Variants in SCN8A observed in about 807,000 individuals in gnomAD.
The protein encoded by SCN8A is sodium voltage-gated channel alpha subunit 8.
Under a neutral mutation model 184.1 loss-of-function variants are expected in SCN8A, and 30 were observed. The ratio of observed to expected loss-of-function variants is 0.16; its 90% CI spans 0.12 to 0.22. The LOEUF is 0.22. Among genes scored for constraint, SCN8A ranks in the 10% least tolerant of loss-of-function variants. The probability of loss-of-function intolerance (pLI) is 1.00; values close to 1 mark genes in which losing one functional copy is unlikely to be tolerated. For synonymous variants in SCN8A, 852 were observed against 907.0 expected (o/e 0.94, Z 1.09); for missense variants, 1,057 against 2,498.9 (o/e 0.42, Z 12.30).
chr12:51,729,029 G>A (rs553409566), intron 12 of SCN8A, among the ~76,000 whole-genome samples: 6 of 152,084 alleles, frequency 3.9e-5, no homozygotes, highest in African/African-American at 1.2e-4. Context: ...TTATGGTGGC[G>A]GACTTCCTCA....
intron 12 of SCN8A, among the ~76,000 whole-genome samples, chr12:51,741,501 G>C (rs2138820204): frequency 6.6e-6 from 1 of 152,022 alleles, no homozygotes; most frequent in South Asian, 2.1e-4. Context: ...CTGCCATTTT[G>C]TCATTTGTTT....
intron 11 of SCN8A, among the ~76,000 whole-genome samples, chr12:51,709,262 A>C (rs1454061043): frequency 1.3e-5 from 2 of 152,206 alleles, no homozygotes; most frequent in Non-Finnish European, 2.9e-5. Context: ...TAGGCAAATG[A>C]TAGCTCAGGG....
intron 20 of SCN8A, chr12:51,780,098 C>A: frequency 3.2e-6 from 1 of 311,802 alleles, no homozygotes; most frequent in South Asian, 2.4e-5. Context: ...TTTTGTCAAC[C>A]AGGAGTAAAA....
At chr12:51,677,505 C>G (rs1941243149) in intron 2 of SCN8A, among the ~76,000 whole-genome samples, 1 of 151,944 alleles carries the variant, frequency 6.6e-6, no homozygotes. Flanking sequence ...TGTGTGTGTT[C>G]ATTGTTTTGC....
At chr12:51,796,085 C>A (rs976216121) in intron 26 of SCN8A, among the ~76,000 whole-genome samples, 3 of 43,836 alleles carry the variant, frequency 6.8e-5, no homozygotes, top group African/African-American at 1.4e-4. Context: ...AGCATCCCAC[C>A]TTTATTAGAC....
chr12:51,741,892 C>T (rs10783475), intron 12 of SCN8A, among the ~76,000 whole-genome samples: 119,402 of 151,892 alleles, frequency 0.79, 48,434 homozygotes, highest in East Asian at 0.9. Context: ...TTAGTAGAGA[C>T]GGGCTTTCTC....
chr12:51,593,371 G>A (rs1484071051), intron 1 of SCN8A, among the ~76,000 whole-genome samples: 2 of 152,218 alleles, frequency 1.3e-5, no homozygotes, highest in Non-Finnish European at 2.9e-5. Flanking sequence ...TAATGGTGCA[G>A]ATCAGTTATT....
At chr12:51,688,779 C>G in intron 5 of SCN8A, 1 of 1,613,768 alleles carries the variant, frequency 6.2e-7, no homozygotes. Flanking sequence ...AGTTTGTAAA[C>G]CTAGGCAATG....
intron 13 of SCN8A, 94 bp from the exon 14 acceptor site, chr12:51,751,261 A>G (rs1006507594): frequency 3.6e-6 from 3 of 827,052 alleles, no homozygotes; most frequent in Non-Finnish European, 4.0e-6. Context: ...TTGATTCCAT[A>G]TTAATAACAG....
intron 1 of SCN8A, among the ~76,000 whole-genome samples, chr12:51,600,425 A>G (rs1047734027): frequency 6.6e-6 from 1 of 152,200 alleles, no homozygotes; most frequent in Non-Finnish European, 1.5e-5. Context: ...TTGCAGGCTG[A>G]GTTAAAGGTA....
At chr12:51,629,389 T>C (rs190221023) in intron 1 of SCN8A, among the ~76,000 whole-genome samples, 3 of 152,254 alleles carry the variant, frequency 2.0e-5, no homozygotes, top group Admixed American at 2.0e-4. Flanking sequence ...CCCTGGCCTC[T>C]ACCACTACTT....
At chr12:51,705,850 T>G (rs1941774634) in intron 10 of SCN8A, among the ~76,000 whole-genome samples, 1 of 152,206 alleles carries the variant, frequency 6.6e-6, no homozygotes, top group Non-Finnish European at 1.5e-5. Flanking sequence ...TGCTCAACTG[T>G]TCAGTGTGCA....
chr12:51,625,428 G>T (rs767769483), intron 1 of SCN8A, among the ~76,000 whole-genome samples: 2 of 152,158 alleles, frequency 1.3e-5, no homozygotes, highest in Non-Finnish European at 2.9e-5. Context: ...GTCAAAAGAC[G>T]TTGTTGCTTC....
intron 12 of SCN8A, among the ~76,000 whole-genome samples, chr12:51,725,935 C>CA (rs1942148572): frequency 6.6e-6 from 1 of 152,230 alleles, no homozygotes; most frequent in Non-Finnish European, 1.5e-5. Context: ...TGTGTATACT[C>CA]ACGCTTCACA....
intron 10 of SCN8A, among the ~76,000 whole-genome samples, chr12:51,705,844 C>T (rs1941774499): frequency 6.6e-6 from 1 of 152,132 alleles, no homozygotes; most frequent in South Asian, 2.1e-4. Context: ...TTGAATTGCT[C>T]AACTGTTCAG....
chr12:51,673,986 G>T (rs1194341933), intron 2 of SCN8A, among the ~76,000 whole-genome samples: 2 of 152,302 alleles, frequency 1.3e-5, no homozygotes, highest in East Asian at 3.9e-4. Flanking sequence ...GAGAAGAGAT[G>T]AGAGAGTAGT....
At chr12:51,770,417 C>T in intron 18 of SCN8A, 112 bp from the exon 19 acceptor site, 1 of 1,197,224 alleles carries the variant, frequency 8.4e-7, no homozygotes, top group Admixed American at 2.6e-5. Flanking sequence ...AGCCACTGTC[C>T]TCCTGGCTGT....
intron 14 of SCN8A, among the ~76,000 whole-genome samples, chr12:51,761,946 CA>C (rs1397044582): frequency 2.0e-5 from 3 of 150,542 alleles, no homozygotes; most frequent in African/African-American, 7.3e-5. Context: ...AAAAAAAAAA[CA>C]GAAAGAAAAT....
At chr12:51,591,612 C>G (rs965146599) in intron 1 of SCN8A, among the ~76,000 whole-genome samples, 1 of 152,178 alleles carries the variant, frequency 6.6e-6, no homozygotes, top group Non-Finnish European at 1.5e-5. Context: ...CAGTCCCCAC[C>G]CCGGACACCC....
Sources: allele counts gnomAD v4.1 joint callset (sites outside exome capture counted in the v4.1 genomes callset), GRCh38; gene constraint gnomAD v4.1.1; transcripts MANE v1.5; gene names NCBI Gene and HGNC (gene_info 2026-07-23, HGNC 2026-07-21).